The following COL25A1 variants were observed in gnomAD, a reference collection of about 807,000 sequenced individuals.
COL25A1 encodes the protein collagen type XXV alpha 1 chain, also known as collagen alpha-1(XXV) chain.
A neutral mutation model predicts 128.4 loss-of-function variants in COL25A1; 103 were observed. The ratio of observed to expected loss-of-function variants is 0.80; its 90% confidence interval spans 0.68 to 0.94. The LOEUF is 0.94. COL25A1 is among the 40% of genes least tolerant of loss of function. The probability of loss-of-function intolerance (pLI) is 0.00; values close to 1 mark genes in which losing one functional copy is unlikely to be tolerated. For synonymous variants in COL25A1, 279 were observed against 277.2 expected (o/e 1.01, Z -0.06); for missense variants, 745 against 840.0 (o/e 0.89, Z 1.40).
At chr4:108,868,676 A>G (rs1738262871) in intron 20 of COL25A1, among the ~76,000 whole-genome samples, 1 of 148,212 alleles carries the variant, frequency 6.7e-6, no homozygotes, top group African/African-American at 2.5e-5. Flanking sequence ...AAGGGGAAGG[A>G]AAGGGAAGGG....
chr4:108,966,050 G>C (rs891934030), intron 8 of COL25A1, among the ~76,000 whole-genome samples: 2 of 152,180 alleles, frequency 1.3e-5, no homozygotes, highest in Non-Finnish European at 2.9e-5. Context: ...GTGCTATTGA[G>C]TTGAGAAGTA....
chr4:109,138,025 T>C lies in COL25A1; in HGVS notation c.368-87846A>G, dbSNP rs533632020. Among the ~76,000 whole-genome samples, 12 of 151,658 alleles carry C rather than the reference T, an allele frequency of 7.9e-5. No individual in the cohort carries two copies. In the East Asian group the frequency reaches 1.4e-3, roughly 17 times the overall value. On this transcript the variant is annotated intron_variant, in intron 3 of 37. Transcript: ENST00000399132. The stretch of plus-strand genomic sequence containing the variant: ...GTGTGTGTGTGTGTGTTGGGATACA[T>C]GTGCAGAACATGCAGGTTTGCTACA...
At chr4:109,127,975 A>G (rs1768793760) in intron 3 of COL25A1, among the ~76,000 whole-genome samples, 1 of 149,948 alleles carries the variant, frequency 6.7e-6, no homozygotes, top group African/African-American at 2.5e-5. Context: ...CAGAGCAGGG[A>G]CGCTCTTTTT....
intron 3 of COL25A1, among the ~76,000 whole-genome samples, chr4:109,217,804 T>C (rs1019644248): frequency 2.6e-5 from 4 of 152,194 alleles, no homozygotes; most frequent in African/African-American, 7.2e-5. Context: ...GTAGTTGTTA[T>C]ACTGTTGAGT....
intron 3 of COL25A1, among the ~76,000 whole-genome samples, chr4:109,137,984 A>ATATATGTGTGTGTG (rs547874075): frequency 4.3e-4 from 61 of 142,592 alleles, no homozygotes; most frequent in Non-Finnish European, 5.5e-4. Context: ...TTATATATAT[A>ATATATGTGTGTGTG]TGTGTGTGTG....
intron 3 of COL25A1, among the ~76,000 whole-genome samples, chr4:109,286,903 C>T (rs1723945284): frequency 6.6e-6 from 1 of 152,156 alleles, no homozygotes; most frequent in South Asian, 2.1e-4. Flanking sequence ...TTTAGGAGGG[C>T]CAGCAAGGCT....
chr4:109,186,641 C>T (rs1180244212), intron 3 of COL25A1, among the ~76,000 whole-genome samples: 8 of 152,096 alleles, frequency 5.3e-5, no homozygotes, highest in Non-Finnish European at 8.8e-5. Flanking sequence ...CAAGTGGTCC[C>T]CTTTCATAGC....
At chr4:109,001,372 C>CATGCATCTGAGATCCTGTCAGGT (rs1755346205) in intron 6 of COL25A1, among the ~76,000 whole-genome samples, 3 of 24,146 alleles carry the variant, frequency 1.2e-4, no homozygotes, top group South Asian at 2.3e-3. Context: ...TTAAAAGAAA[C>CATGCATCTGAGATCCTGTCAGGT]AGGCATCTGA....
intron 34 of COL25A1, among the ~76,000 whole-genome samples, chr4:108,824,597 T>C (rs1453371043): frequency 6.6e-6 from 1 of 152,192 alleles, no homozygotes; most frequent in Non-Finnish European, 1.5e-5. Context: ...CTGTTGTGAA[T>C]GTTAAATGTG....
At chr4:109,272,061 C>T (rs1352983000) in intron 3 of COL25A1, among the ~76,000 whole-genome samples, 1 of 151,746 alleles carries the variant, frequency 6.6e-6, no homozygotes, top group Non-Finnish European at 1.5e-5. Flanking sequence ...CAACATGAAA[C>T]CCCATCTCTA....
chr4:108,869,030 A>G (rs1738353223), intron 20 of COL25A1, 58 bp downstream of exon 20: 1 of 1,045,574 alleles, frequency 9.6e-7, no homozygotes, highest in Non-Finnish European at 1.5e-6. Flanking sequence ...GGAAAGAAGG[A>G]AGGAAGAAAA....
chr4:108,921,572 G>A (rs1745498217), intron 11 of COL25A1, among the ~76,000 whole-genome samples: 1 of 152,098 alleles, frequency 6.6e-6, no homozygotes, highest in Non-Finnish European at 1.5e-5. Flanking sequence ...CAGTTAATCA[G>A]CATGTTGCAT....
At position 108,884,228 on chromosome 4, in the gene COL25A1, CA is replaced by C. The variant is rs769489483; in HGVS notation, c.976-7del. ...CCAGGAAGCCCTGGTTCACCCTACA[CA>C]GGAAAATCATATAGCATTATAGAAT... On this transcript the variant is annotated splice_region_variant and splice_polypyrimidine_tract_variant and intron_variant, in intron 18 of 37. Transcript: ENST00000399132. The C allele has an allele frequency of 2.5e-6, 4 of 1,612,710 alleles. No homozygotes were observed. Among genetic ancestry groups the C allele is most frequent in the Non-Finnish European group, 3.4e-6 (4 of 1,178,898 alleles).
intron 8 of COL25A1, among the ~76,000 whole-genome samples, chr4:108,963,968 G>A (rs1578909379): frequency 6.6e-6 from 1 of 151,182 alleles, no homozygotes; most frequent in African/African-American, 2.4e-5. Flanking sequence ...TGAACAATAA[G>A]CAGAAAAGTG....
At chr4:108,896,538 G>A (rs913155863) in intron 16 of COL25A1, 129 bp downstream of exon 16, 1 of 649,208 alleles carries the variant, frequency 1.5e-6, no homozygotes, top group Non-Finnish European at 2.7e-6. Flanking sequence ...TTCTAATCTT[G>A]GAGAATGATC....
At chr4:109,128,673 C>T (rs924546985) in intron 3 of COL25A1, among the ~76,000 whole-genome samples, 1 of 152,198 alleles carries the variant, frequency 6.6e-6, no homozygotes, top group African/African-American at 2.4e-5. Flanking sequence ...CAGAGTAGGA[C>T]AGTCACTTGA....
chr4:109,070,368 T>C (rs1181371105), intron 3 of COL25A1, among the ~76,000 whole-genome samples: 2 of 152,138 alleles, frequency 1.3e-5, no homozygotes, highest in Non-Finnish European at 2.9e-5. Context: ...TAATCTTTTT[T>C]TTTTTTACTT....
At chr4:109,176,254 G>C (rs995847058) in intron 3 of COL25A1, among the ~76,000 whole-genome samples, 4 of 152,190 alleles carry the variant, frequency 2.6e-5, no homozygotes, top group African/African-American at 9.6e-5. Context: ...ACCAGGCATG[G>C]TGGTGCATAC....
At chr4:108,824,328 T>C in intron 34 of COL25A1, 101 bp from the exon 35 acceptor site, 1 of 805,366 alleles carries the variant, frequency 1.2e-6, no homozygotes, top group South Asian at 1.7e-5. Context: ...AGCTTAAATA[T>C]AACAAGAAAT....
Sources: allele counts gnomAD v4.1 joint callset (sites outside exome capture counted in the v4.1 genomes callset), GRCh38; gene constraint gnomAD v4.1.1; transcripts MANE v1.5; gene names NCBI Gene and HGNC (gene_info 2026-07-23, HGNC 2026-07-21).